The following TUSC3 variants were observed in gnomAD, a reference collection of about 807,000 sequenced individuals.
The protein encoded by TUSC3 is tumor suppressor candidate 3.
In TUSC3, 45 loss-of-function variants were observed where a neutral mutation model predicts 44.8. That is an observed-to-expected ratio of 1.00 (90% CI 0.79 to 1.29). The LOEUF (loss-of-function observed/expected upper bound fraction) is 1.29. Ranked by LOEUF, TUSC3 falls within the 50% of genes most tolerant of loss-of-function variation. The pLI, the probability that TUSC3 is intolerant of heterozygous loss-of-function variation, is 0.00. For synonymous variants in TUSC3, 212 were observed against 152.9 expected (o/e 1.39, Z -2.85); for missense variants, 519 against 437.9 (o/e 1.19, Z -1.65).
At chr8:15,621,259 A>G (rs928666509) in intron 1 of TUSC3, among the ~76,000 whole-genome samples, 3 of 151,688 alleles carry the variant, frequency 2.0e-5, no homozygotes, top group Non-Finnish European at 4.4e-5. Context: ...GTATTGGTAA[A>G]TACTGGAGAC....
chr8:15,763,613 A>C (rs1447903648), intron 10 of TUSC3, among the ~76,000 whole-genome samples: 1 of 151,964 alleles, frequency 6.6e-6, no homozygotes, highest in African/African-American at 2.4e-5. Context: ...TACAAAATTA[A>C]ATTTTGTTTC....
intron 10 of TUSC3, among the ~76,000 whole-genome samples, chr8:15,758,601 C>T (rs775208578): frequency 4.6e-5 from 7 of 152,144 alleles, no homozygotes; most frequent in South Asian, 2.1e-4. Flanking sequence ...AGCTCCATAC[C>T]GTTCAGCAAC....
chr8:15,447,543 G>A (rs1233126953), intron 1 of TUSC3, among the ~76,000 whole-genome samples: 1 of 152,058 alleles, frequency 6.6e-6, no homozygotes, highest in East Asian at 1.9e-4. Context: ...CGTTGGCTAT[G>A]AAGCAATGAA....
chr8:15,438,928 G>T lies in TUSC3; in HGVS notation n.91+21623G>T, dbSNP rs190666855. 2.0e-5 allele frequency among the ~76,000 whole-genome samples: 3 copies of T among 152,286 alleles called. No individual in the cohort carries two copies. The East Asian group carries it at 5.8e-4, about 29-fold the overall frequency. ...TAATAAGCACCCAATTTAAAATGGT[G>T]TGGTCGCAAGGAGAGGAATCTACAA... On this transcript the variant is annotated intron_variant and non_coding_transcript_variant, in intron 1 of 5. Transcript: ENST00000503191.
At chr8:15,744,962 C>T (rs1214481570) in intron 8 of TUSC3, among the ~76,000 whole-genome samples, 1 of 152,074 alleles carries the variant, frequency 6.6e-6, no homozygotes, top group African/African-American at 2.4e-5. Context: ...TCCATCCCCA[C>T]TCTAGTCGTG....
At chr8:15,714,322 T>C (rs56118817) in intron 6 of TUSC3, among the ~76,000 whole-genome samples, 4,520 of 152,250 alleles carry the variant, frequency 0.03, 71 homozygotes, top group East Asian at 0.05. Flanking sequence ...AAATTTTGAT[T>C]TTTGAACCCC....
intron 2 of TUSC3, among the ~76,000 whole-genome samples, chr8:15,530,158 T>C (rs920128577): frequency 6.6e-6 from 1 of 152,052 alleles, no homozygotes; most frequent in African/African-American, 2.4e-5. Flanking sequence ...TCTGCTTACA[T>C]CTTTGCTCTC....
At position 15,755,331 on chromosome 8, in the gene TUSC3, A is replaced by G. The variant is rs1348403890; in HGVS notation, c.1029-2460A>G. 3.9e-5 allele frequency among the ~76,000 whole-genome samples: 6 copies of G among 152,314 alleles called. No individual in the cohort carries two copies. The East Asian group carries it at 9.6e-4, about 24-fold the overall frequency. On this transcript the variant is annotated intron_variant, in intron 9 of 10. Transcript: ENST00000503731. ...CTTAGCACATTGCCTGGTACATAGT[A>G]CTGATTACTCAATAAATGTTTGATG...
intron 1 of TUSC3, among the ~76,000 whole-genome samples, chr8:15,424,677 G>A (rs1048420801): frequency 3.9e-5 from 6 of 152,046 alleles, no homozygotes; most frequent in East Asian, 1.9e-4. Context: ...TCAGGAGATC[G>A]AGACTATCCT....
chr8:15,734,214 CTA>C (rs1810840463), intron 7 of TUSC3, among the ~76,000 whole-genome samples: 2 of 152,154 alleles, frequency 1.3e-5, no homozygotes, highest in South Asian at 4.1e-4. Context: ...GAGAACATTT[CTA>C]TCTTTTGGAT....
At chr8:15,843,098 A>G in the TUSC3 span, among the ~76,000 whole-genome samples, 5 of 152,154 alleles carry the variant, frequency 3.3e-5, no homozygotes, top group Admixed American at 6.6e-5. Flanking sequence ...ATTCACTGCA[A>G]AATAACAGAA....
chr8:15,697,126 T>G (rs1162761297), intron 6 of TUSC3, among the ~76,000 whole-genome samples: 1 of 152,214 alleles, frequency 6.6e-6, no homozygotes, highest in African/African-American at 2.4e-5. Flanking sequence ...AGCTGTAATA[T>G]GTCCCTTTTC....
chr8:15,715,206 G>GT (rs1330055830), intron 6 of TUSC3, among the ~76,000 whole-genome samples: 2 of 152,002 alleles, frequency 1.3e-5, no homozygotes, highest in Non-Finnish European at 2.9e-5. Flanking sequence ...TATATATTGT[G>GT]TTTTTTCCTA....
chr8:15,678,827 T>C (rs186572749), intron 6 of TUSC3, among the ~76,000 whole-genome samples: 77 of 152,322 alleles, frequency 5.1e-4, no homozygotes, highest in African/African-American at 1.7e-3. Context: ...CTAATGTATA[T>C]GTTCGTATGC....
chr8:15,667,776 A>C (rs1807734620), intron 5 of TUSC3, among the ~76,000 whole-genome samples: 1 of 151,746 alleles, frequency 6.6e-6, no homozygotes, highest in Admixed American at 6.6e-5. Flanking sequence ...TTCTTTTTTT[A>C]AATACAATGT....
At chr8:15,784,490 TTATGTG>T in the TUSC3 span, among the ~76,000 whole-genome samples, 3 of 146,462 alleles carry the variant, frequency 2.0e-5, no homozygotes, top group Admixed American at 2.0e-4. Flanking sequence ...TCGAAAAATG[TTATGTG>T]TATGTGTGTG....
intron 8 of TUSC3, among the ~76,000 whole-genome samples, chr8:15,744,257 G>A (rs1480719036): frequency 6.6e-6 from 1 of 152,064 alleles, no homozygotes; most frequent in Non-Finnish European, 1.5e-5. Flanking sequence ...CAGAGTTGTA[G>A]AAAAACATAT....
chr8:15,742,889 A>AACAT (rs1811254711), intron 7 of TUSC3, among the ~76,000 whole-genome samples: 1 of 152,234 alleles, frequency 6.6e-6, no homozygotes, highest in East Asian at 1.9e-4. Flanking sequence ...GGCATTATTC[A>AACAT]ACATAGCATG....
At chr8:15,792,848 G>C in the TUSC3 span, among the ~76,000 whole-genome samples, 1 of 151,928 alleles carries the variant, frequency 6.6e-6, no homozygotes, top group East Asian at 1.9e-4. Context: ...CAAACTCCTA[G>C]TCTCAAGTTA....
Sources: allele counts gnomAD v4.1 joint callset (sites outside exome capture counted in the v4.1 genomes callset), GRCh38; gene constraint gnomAD v4.1.1; transcripts MANE v1.5; gene names NCBI Gene and HGNC (gene_info 2026-07-23, HGNC 2026-07-21).